The following MICAL3 variants were observed in gnomAD, a reference collection of about 807,000 sequenced individuals.
The protein encoded by MICAL3 is microtubule associated monooxygenase, calponin and LIM domain containing 3.
In MICAL3, 62 loss-of-function variants were observed where a neutral mutation model predicts 207.4. The observed-to-expected ratio is 0.30, with a 90% confidence interval of 0.24 to 0.37. MICAL3 has a LOEUF of 0.37. Ranked by LOEUF, MICAL3 falls within the 10% of genes least tolerant of loss-of-function variation. MICAL3 has a pLI of 1.00. For synonymous variants in MICAL3, 1,077 were observed against 1,069.3 expected (o/e 1.01, Z -0.14); for missense variants, 2,368 against 2,635.6 (o/e 0.90, Z 2.22).
At chr22:17,850,051 A>C (rs181343938) in intron 19 of MICAL3, among the ~76,000 whole-genome samples, 1 of 152,212 alleles carries the variant, frequency 6.6e-6, no homozygotes, top group Non-Finnish European at 1.5e-5. Flanking sequence ...GGGTAACTTT[A>C]CTTGTATGTC....
chr22:18,021,170 T>C (rs935374920), intron 1 of MICAL3, among the ~76,000 whole-genome samples: 27 of 152,250 alleles, frequency 1.8e-4, no homozygotes, highest in African/African-American at 6.5e-4. Context: ...GTGCCATAAA[T>C]TGCCCTTTTC....
Position 17,818,172 on chromosome 22 carries a change from G to C in MICAL3, c.4489C>G (p.Pro1497Ala). ...PPPLPATWMR[P>A]PREPAQPPRE... ...GGGGGCTGAGCAGGCTCCCGGGGGGGCCGCATCCAGGTGGCGGGCAAGGGC... is the reference window on the plus strand; with the variant it reads ...GGGGGCTGAGCAGGCTCCCGGGGGGCCCGCATCCAGGTGGCGGGCAAGGGC... Residue 1497 changes from proline (P) to alanine (A), a missense_variant, in exon 26 of 32, where the codon CCC (proline) becomes GCC (alanine). By Grantham distance (27) the Pro-to-Ala change is conservative. Around this residue, in one of 4 missense-constraint regions of MICAL3, gnomAD observed 1,770 missense variants for 1,863.2 expected, o/e 0.95. Transcript: ENST00000441493. The C allele has an allele frequency of 1.3e-6, 2 of 1,590,044 alleles. No individual in the cohort carries two copies. Among genetic ancestry groups the C allele is most frequent in the Non-Finnish European group, 1.7e-6 (2 of 1,171,234 alleles).
At position 17,887,188 on chromosome 22, in the gene MICAL3, C is replaced by A; in HGVS notation, c.2049G>T (p.Lys683Asn). The A allele has an allele frequency of 6.2e-7, 1 of 1,613,694 alleles. No homozygotes were observed. Among genetic ancestry groups the A allele is most frequent in the Non-Finnish European group, 8.5e-7 (1 of 1,179,762 alleles). The change falls in exon 15 of 32, where the codon AAG becomes AAT. Residue 683 changes from lysine (K) to asparagine (N), a missense_variant. Coordinates refer to ENST00000441493, the MANE Select transcript of MICAL3 (RefSeq NM_015241.3). ...ATCTCACCTCCTCTGATTGACTGGT[C>A]TTTCTCCTCTTCCCAGCACCATCCA... ...KDLDGAGKRR[K>N]TSQSEEEEAP...
intron 1 of MICAL3, among the ~76,000 whole-genome samples, chr22:17,930,629 G>A (rs1933199376): frequency 6.6e-6 from 1 of 152,248 alleles, no homozygotes; most frequent in South Asian, 2.1e-4. Context: ...AGTCGGCTCA[G>A]ACAGTGGCTA....
intron 1 of MICAL3, among the ~76,000 whole-genome samples, chr22:17,949,765 A>C (rs1934243841): frequency 6.6e-6 from 1 of 152,256 alleles, no homozygotes; most frequent in Non-Finnish European, 1.5e-5. Flanking sequence ...GCAGAGGACG[A>C]AACAGCCAGG....
intron 19 of MICAL3, among the ~76,000 whole-genome samples, chr22:17,848,254 T>C (rs1924850900): frequency 6.6e-6 from 1 of 152,098 alleles, no homozygotes; most frequent in Non-Finnish European, 1.5e-5. Flanking sequence ...TTGCACAGAG[T>C]CCAGATCATG....
chr22:17,872,515 G>A lies in MICAL3; in HGVS notation c.2242-492C>T, dbSNP rs1014894952. On this transcript the variant is annotated intron_variant, in intron 16 of 31. Coordinates refer to ENST00000441493, the MANE Select transcript of MICAL3 (RefSeq NM_015241.3). ...GCAGAGTTCTGTTCTGAGGGTAGCT[G>A]TATCTGTATCTATTCCGTGTTGACA... is the stretch of plus-strand genomic sequence containing the variant. 3.3e-5 allele frequency among the ~76,000 whole-genome samples: 5 copies of A among 152,032 alleles called. No homozygotes were observed. The East Asian group carries it at 6.0e-4, about 18-fold the overall frequency.
intron 1 of MICAL3, among the ~76,000 whole-genome samples, chr22:18,013,312 C>G (rs376112429): frequency 3.9e-5 from 6 of 152,186 alleles, no homozygotes; most frequent in Non-Finnish European, 5.9e-5. Context: ...AGCCCTAGAG[C>G]ATATTGCTGT....
At chr22:17,888,365 C>T (rs1043774251) in intron 13 of MICAL3, among the ~76,000 whole-genome samples, 3 of 152,162 alleles carry the variant, frequency 2.0e-5, no homozygotes, top group Non-Finnish European at 2.9e-5. Flanking sequence ...TTTTGTAGCA[C>T]TATGAGAGCC....
Position 17,839,258 on chromosome 22 carries a change from A to ATTTTTT in MICAL3, c.2801+2558_2801+2563dup, listed in dbSNP as rs58568915. Among the ~76,000 whole-genome samples the ATTTTTT allele has an allele frequency of 2.8e-3, 314 of 110,384 alleles. 11 individuals are homozygous for ATTTTTT. Among genetic ancestry groups the ATTTTTT allele is most frequent in the Middle Eastern group, 7.5e-3 (1 of 134 alleles). The allele number at this position is 110,384 out of a possible 152,430, so 72.4% of individuals were successfully genotyped here. On this transcript the variant is annotated intron_variant, in intron 20 of 31. Coordinates refer to ENST00000441493, the MANE Select transcript of MICAL3 (RefSeq NM_015241.3). ...GCTACCGCACCAGGCCGGGCTCTTCATTTTTTTTTTTTTTTTTGAGACGAA... is the reference window on the plus strand; with the variant it reads ...GCTACCGCACCAGGCCGGGCTCTTCATTTTTTTTTTTTTTTTTTTTTTTGAGACGAA...
At chr22:17,899,201 C>T in intron 7 of MICAL3, 1 of 543,990 alleles carries the variant, frequency 1.8e-6, no homozygotes, top group South Asian at 1.9e-5. Context: ...GTGTTGAGAA[C>T]TGTGAAAGCT....
chr22:17,810,462 T>C (rs2145989645), intron 28 of MICAL3, among the ~76,000 whole-genome samples: 1 of 152,272 alleles, frequency 6.6e-6, no homozygotes. Flanking sequence ...CCTCCCAAAG[T>C]GCTGGGATTA....
intron 24 of MICAL3, 59 bp downstream of exon 24, chr22:17,821,971 G>A: frequency 6.3e-7 from 1 of 1,588,554 alleles, no homozygotes; most frequent in Non-Finnish European, 8.6e-7. Flanking sequence ...CCACTCTTGT[G>A]TGCATATGGC....
intron 1 of MICAL3, among the ~76,000 whole-genome samples, chr22:17,973,390 T>C (rs1313683915): frequency 6.6e-6 from 1 of 152,180 alleles, no homozygotes; most frequent in Non-Finnish European, 1.5e-5. Flanking sequence ...GGTATGTAAC[T>C]GAGCATATGA....
At chr22:17,975,622 A>G (rs1423902999) in intron 1 of MICAL3, among the ~76,000 whole-genome samples, 2 of 152,214 alleles carry the variant, frequency 1.3e-5, no homozygotes, top group Non-Finnish European at 2.9e-5. Context: ...CCTGATAAAG[A>G]GAGCTAAAAG....
At chr22:17,901,067 G>T in intron 5 of MICAL3, 70 bp from the exon 6 acceptor site, 1 of 1,482,410 alleles carries the variant, frequency 6.7e-7, no homozygotes, top group East Asian at 2.3e-5. Flanking sequence ...AGATAAAGTG[G>T]GGGTGCTGAT....
chr22:18,002,068 C>T (rs1479178350), intron 1 of MICAL3, among the ~76,000 whole-genome samples: 1 of 151,978 alleles, frequency 6.6e-6, no homozygotes, highest in Non-Finnish European at 1.5e-5. Flanking sequence ...CGTGGTTGCA[C>T]GGGCCTGTAG....
intron 1 of MICAL3, among the ~76,000 whole-genome samples, chr22:17,966,271 C>T (rs963959518): frequency 1.8e-4 from 27 of 152,158 alleles, no homozygotes; most frequent in Non-Finnish European, 4.4e-5. Context: ...AGTGGCCCCA[C>T]AGCCTGTGGG....
chr22:17,804,996 G>A (rs906960726), intron 29 of MICAL3, among the ~76,000 whole-genome samples: 1 of 152,174 alleles, frequency 6.6e-6, no homozygotes, highest in Non-Finnish European at 1.5e-5. Flanking sequence ...GCCATACGTC[G>A]TCATACCTTA....
Sources: allele counts gnomAD v4.1 joint callset (sites outside exome capture counted in the v4.1 genomes callset), GRCh38; gene constraint gnomAD v4.1.1; regional missense constraint gnomAD v4.1.1; transcripts MANE v1.5; gene names NCBI Gene and HGNC (gene_info 2026-07-23, HGNC 2026-07-21).